Variants in FSTL5 observed in about 807,000 individuals in gnomAD.
The protein encoded by FSTL5 is follistatin like 5.
FSTL5 carries 62 observed loss-of-function variants against 89.1 expected under a neutral mutation model. The ratio of observed to expected loss-of-function variants is 0.70; its 90% CI spans 0.57 to 0.86. The LOEUF is 0.86. Among genes scored for constraint, FSTL5 ranks in the 40% least tolerant of loss-of-function variants. The pLI, the probability that FSTL5 is intolerant of heterozygous loss-of-function variation, is 0.00. For synonymous variants in FSTL5, 383 were observed against 346.2 expected (o/e 1.11, Z -1.18); for missense variants, 1,057 against 1,001.6 (o/e 1.06, Z -0.75).
At chr4:161,906,857 A>G (rs72691287) in intron 4 of FSTL5, among the ~76,000 whole-genome samples, 14,120 of 152,100 alleles carry the variant, frequency 0.093, 706 homozygotes, top group East Asian at 0.17. Flanking sequence ...TATTTTATAA[A>G]TTTATAGATA....
rs578241600 is a variant in FSTL5 at position 161,869,210 on chromosome 4, T to G, written c.409+51194A>C. Among the ~76,000 whole-genome samples, 304 of 152,062 alleles carry G rather than the reference T, an allele frequency of 2.0e-3. 1 individual carries two copies. Among genetic ancestry groups the G allele is most frequent in the Middle Eastern group, 0.01 (3 of 294 alleles). ...AGACTCCGTCTCAAAAATAAATAAA[T>G]AAAGAAATAAATAATGCATATCTCA... On this transcript the variant is annotated intron_variant, in intron 4 of 15. Transcript: ENST00000306100.
intron 3 of FSTL5, among the ~76,000 whole-genome samples, chr4:161,964,419 A>T (rs1735267300): frequency 6.6e-6 from 1 of 152,054 alleles, no homozygotes; most frequent in Non-Finnish European, 1.5e-5. Flanking sequence ...AATCTTAAAA[A>T]TTTTCCTTTC....
At chr4:161,579,300 A>G (rs1733342874) in intron 8 of FSTL5, among the ~76,000 whole-genome samples, 2 of 152,254 alleles carry the variant, frequency 1.3e-5, no homozygotes, top group South Asian at 2.1e-4. Flanking sequence ...TGTGTGGCTT[A>G]TAGCAATATC....
At chr4:161,798,240 C>A (rs1165209723) in intron 4 of FSTL5, among the ~76,000 whole-genome samples, 4 of 151,576 alleles carry the variant, frequency 2.6e-5, no homozygotes, top group African/African-American at 9.7e-5. Context: ...TTCCAGCTTG[C>A]CAAGGGAGAG....
At chr4:161,877,145 T>A (rs1248998789) in intron 4 of FSTL5, among the ~76,000 whole-genome samples, 2 of 146,994 alleles carry the variant, frequency 1.4e-5, no homozygotes, top group Non-Finnish European at 3.0e-5. Flanking sequence ...GATCGCGCCC[T>A]TGCACTCCAG....
At chr4:161,950,484 T>G (rs539111193) in intron 3 of FSTL5, among the ~76,000 whole-genome samples, 4 of 152,294 alleles carry the variant, frequency 2.6e-5, no homozygotes, top group Admixed American at 2.0e-4. Context: ...TCCTTGGCGC[T>G]GCAGTGCTTC....
chr4:161,838,127 A>T (rs1731102101), intron 4 of FSTL5, among the ~76,000 whole-genome samples: 1 of 152,320 alleles, frequency 6.6e-6, no homozygotes, highest in African/African-American at 2.4e-5. Flanking sequence ...TGAAGCAAAA[A>T]ATCAAAATAA....
chr4:161,712,567 T>C (rs116376586), intron 6 of FSTL5, among the ~76,000 whole-genome samples: 3,082 of 152,296 alleles, frequency 0.02, 108 homozygotes, highest in African/African-American at 0.069. Flanking sequence ...TTTAAACACT[T>C]GGAAAATGTT....
chr4:162,057,173 A>G (rs1738571511), intron 2 of FSTL5, among the ~76,000 whole-genome samples: 1 of 152,132 alleles, frequency 6.6e-6, no homozygotes, highest in South Asian at 2.1e-4. Context: ...AGCAGCTTCT[A>G]TTTTTATCTA....
At chr4:161,631,675 T>C (rs1735511378) in intron 7 of FSTL5, among the ~76,000 whole-genome samples, 1 of 152,318 alleles carries the variant, frequency 6.6e-6, no homozygotes, top group East Asian at 1.9e-4. Context: ...CTTGATGCTA[T>C]ATTATTAGAT....
At chr4:162,110,328 G>A (rs1438339128) in intron 2 of FSTL5, among the ~76,000 whole-genome samples, 3 of 151,882 alleles carry the variant, frequency 2.0e-5, no homozygotes, top group African/African-American at 7.2e-5. Context: ...ACATTGAAGA[G>A]CTTAGCTTAA....
intron 3 of FSTL5, among the ~76,000 whole-genome samples, chr4:162,026,600 A>G (rs1737305197): frequency 1.3e-5 from 2 of 152,022 alleles, no homozygotes; most frequent in Non-Finnish European, 1.5e-5. Context: ...GAGCTTATAT[A>G]TATTTTTTTA....
At chr4:162,124,057 T>C (rs141829473) in intron 1 of FSTL5, among the ~76,000 whole-genome samples, 4 of 152,266 alleles carry the variant, frequency 2.6e-5, no homozygotes, top group African/African-American at 9.6e-5. Flanking sequence ...GTTCAGAAAA[T>C]ATATCCATAA....
At chr4:161,454,973 T>C (rs762220067) in intron 15 of FSTL5, 31 bp downstream of exon 15, 3 of 1,603,108 alleles carry the variant, frequency 1.9e-6, no homozygotes, top group Admixed American at 3.4e-5. Context: ...GACAAATCTT[T>C]AAAAAGTTGA....
At chr4:161,962,763 C>T (rs1399257600) in intron 3 of FSTL5, among the ~76,000 whole-genome samples, 1 of 151,896 alleles carries the variant, frequency 6.6e-6, no homozygotes, top group African/African-American at 2.4e-5. Context: ...GCTCTTAATA[C>T]TCTTTAAGCC....
At chr4:161,722,848 C>A (rs1368917443) in intron 6 of FSTL5, among the ~76,000 whole-genome samples, 3 of 149,624 alleles carry the variant, frequency 2.0e-5, no homozygotes, top group African/African-American at 7.7e-5. Flanking sequence ...ACTTTTGGGC[C>A]ACTAAGAATG....
chr4:161,971,219 G>A (rs1735472941), intron 3 of FSTL5, among the ~76,000 whole-genome samples: 2 of 152,018 alleles, frequency 1.3e-5, no homozygotes, highest in African/African-American at 4.8e-5. Flanking sequence ...ATAGCAGATT[G>A]TCAGTCATCT....
At chr4:161,555,070 T>C (rs7662665) in intron 8 of FSTL5, among the ~76,000 whole-genome samples, 4,532 of 151,706 alleles carry the variant, frequency 0.03, 222 homozygotes, top group African/African-American at 0.1. Context: ...CATGAAAGTG[T>C]AGAGGATGCA....
intron 6 of FSTL5, among the ~76,000 whole-genome samples, chr4:161,714,616 T>C (rs938725861): frequency 2.6e-5 from 4 of 152,206 alleles, no homozygotes; most frequent in South Asian, 2.1e-4. Flanking sequence ...TCTGACACTG[T>C]CATCTGCTTA....
Sources: gnomAD v4.1 joint callset for allele counts (sites outside exome capture counted in the v4.1 genomes callset) on GRCh38, gnomAD v4.1.1 for gene constraint, MANE v1.5 for transcripts, NCBI Gene and HGNC (gene_info 2026-07-23, HGNC 2026-07-21) for gene names.